Variants in BACH2 observed in about 807,000 individuals in gnomAD.
The protein encoded by BACH2 is BACH transcriptional regulator 2.
BACH2 carries 5 observed loss-of-function variants against 61.8 expected under a neutral mutation model. The ratio of observed to expected loss-of-function variants is 0.08; its 90% CI spans 0.04 to 0.17. The LOEUF is 0.17. Among genes scored for constraint, BACH2 ranks in the 10% least tolerant of loss-of-function variants. The pLI, the probability that BACH2 is intolerant of heterozygous loss-of-function variation, is 1.00. For synonymous variants in BACH2, 446 were observed against 440.1 expected, an observed-to-expected ratio of 1.01 and a Z score of -0.17; for missense variants, 824 against 1,091.1, an observed-to-expected ratio of 0.76 and a Z score of 3.45.
rs191145736 is a variant in BACH2, at chr6:90,296,802, T to C, written c.-768A>G. On this transcript the variant is annotated 5_prime_UTR_variant, in exon 1 of 9. Transcript: ENST00000257749. ...GCACGGCCGCTGCTGCCGCTGCTGC[T>C]GCTGCTGCTGCTGCTGAGGCGGCGG... is the stretch of plus-strand genomic sequence containing the variant. 2,652 of 175,298 alleles carry C rather than the reference T, an allele frequency of 0.015. 25 individuals carry two copies. Among genetic ancestry groups the C allele is most frequent in the African/African-American group, 0.018 (736 of 41,500 alleles). 10.9% of individuals were successfully genotyped at this position (175,298 alleles called of 1,614,324 possible).
At chr6:90,071,928 G>C (rs566175387) in intron 5 of BACH2, among the ~76,000 whole-genome samples, 1 of 151,992 alleles carries the variant, frequency 6.6e-6, no homozygotes, top group South Asian at 2.1e-4. Context: ...TCATCCTCAC[G>C]GTATTCACAT....
chr6:90,002,535 C>T (rs904727085), intron 6 of BACH2, among the ~76,000 whole-genome samples: 2 of 152,108 alleles, frequency 1.3e-5, no homozygotes, highest in Non-Finnish European at 1.5e-5. Context: ...TTTGGGAGGC[C>T]GAAGCAAGTG....
chr6:89,930,096 T>TTATCAAGA lies in BACH2; in HGVS notation c.*2304_*2311dup, dbSNP rs1386382235. ...AAACCAGCAGCTCCAACACAGAGCTTTATCAAGATCTGTTTCAGACACACA... is the reference window on the plus strand; with the variant it reads ...AAACCAGCAGCTCCAACACAGAGCTTTATCAAGATATCAAGATCTGTTTCAGACACACA... On this transcript the variant is annotated 3_prime_UTR_variant, in exon 9 of 9. Coordinates refer to ENST00000257749, the MANE Select transcript of BACH2 (RefSeq NM_021813.4). 1 of 127,618 alleles carries TTATCAAGA rather than the reference T, an allele frequency of 7.8e-6. No individual in the cohort carries two copies. Among genetic ancestry groups the TTATCAAGA allele is most frequent in the Non-Finnish European group, 1.6e-5 (1 of 62,944 alleles). The allele number at this position is 127,618 out of a possible 1,614,324, so 7.9% of individuals were successfully genotyped here. A position where few individuals can be genotyped will look rare whatever the true frequency, so the allele number is the denominator to read the frequency against.
At chr6:89,949,866 TCTTC>T (rs1773968249) in intron 7 of BACH2, among the ~76,000 whole-genome samples, 1 of 151,968 alleles carries the variant, frequency 6.6e-6, no homozygotes, top group Non-Finnish European at 1.5e-5. Flanking sequence ...AGATTCTATA[TCTTC>T]CTTTACGCTG....
chr6:90,138,371 C>T (rs924482138), intron 4 of BACH2, among the ~76,000 whole-genome samples: 22 of 152,118 alleles, frequency 1.4e-4, no homozygotes, highest in Non-Finnish European at 2.6e-4. Context: ...TGCGTGGTGG[C>T]GTGTGCCTGT....
At chr6:90,169,670 G>C (rs527756055) in intron 4 of BACH2, among the ~76,000 whole-genome samples, 3 of 152,344 alleles carry the variant, frequency 2.0e-5, no homozygotes, top group Admixed American at 2.0e-4. Flanking sequence ...TTTTAAAACA[G>C]TGCCTGCTGC....
intron 3 of BACH2, among the ~76,000 whole-genome samples, chr6:90,227,806 A>T (rs938449908): frequency 1.3e-4 from 18 of 142,594 alleles, no homozygotes; most frequent in African/African-American, 4.5e-4. Flanking sequence ...ATATCCCTTT[A>T]AAAAAAAAAA....
At chr6:90,010,478 C>CT (rs909600542) in intron 5 of BACH2, among the ~76,000 whole-genome samples, 6 of 151,692 alleles carry the variant, frequency 4.0e-5, no homozygotes, top group Admixed American at 6.6e-5. Flanking sequence ...TATAGCGTAA[C>CT]TTTTTTTTTA....
chr6:90,150,011 C>T (rs894940760), intron 4 of BACH2, among the ~76,000 whole-genome samples: 1 of 152,184 alleles, frequency 6.6e-6, no homozygotes, highest in Non-Finnish European at 1.5e-5. Context: ...GATTACTCTC[C>T]TTCAAGCCCC....
At chr6:89,985,003 G>T (rs1471765978) in intron 6 of BACH2, among the ~76,000 whole-genome samples, 1 of 152,090 alleles carries the variant, frequency 6.6e-6, no homozygotes, top group Non-Finnish European at 1.5e-5. Flanking sequence ...AATTATCCTG[G>T]CTGAGTCCTC....
At chr6:90,144,333 TGGGAAGGACAGAGGGAAGGAGGGA>T (rs1375682286) in intron 4 of BACH2, among the ~76,000 whole-genome samples, 3 of 151,550 alleles carry the variant, frequency 2.0e-5, no homozygotes, top group Admixed American at 6.6e-5. Context: ...TTTGAAGGAT[TGGGAAGGACAGAGGGAAGGAGGGA>T]GGGAAAAACA....
Position 89,950,014 on chromosome 6 carries a change from T to G in BACH2, c.1836+256A>C, listed in dbSNP as rs1773980576. ...ACTTCATGCATTAGACTTCAGTATA[T>G]TTTTACTCAGCAGCTTGCCTCTGCT... On this transcript the variant is annotated intron_variant, in intron 7 of 8. Coordinates refer to ENST00000257749, the MANE Select transcript of BACH2 (RefSeq NM_021813.4). The surrounding 1 kb of genome is among the most constrained non-coding windows in gnomAD (Gnocchi z 5.3). 1.9e-6 allele frequency: 1 copy of G among 533,320 alleles called. No homozygotes were observed. The allele number at this position is 533,320 out of a possible 1,614,324, so 33.0% of individuals were successfully genotyped here. A position where few individuals can be genotyped will look rare whatever the true frequency, so the allele number is the denominator to read the frequency against.
chr6:90,150,275 G>T (rs774791624), intron 4 of BACH2, among the ~76,000 whole-genome samples: 7 of 152,056 alleles, frequency 4.6e-5, no homozygotes, highest in Non-Finnish European at 1.0e-4. Context: ...TGGTCTCCTT[G>T]TTTCAATTAC....
At chr6:90,009,149 TTTAAA>T (rs1777571626) in intron 5 of BACH2, among the ~76,000 whole-genome samples, 1 of 152,136 alleles carries the variant, frequency 6.6e-6, no homozygotes, top group African/African-American at 2.4e-5. Flanking sequence ...ATTTAAAACA[TTTAAA>T]ACACATTGGT....
In BACH2 at chr6:89,950,435, A is replaced by G. The variant is rs768606736; in HGVS notation, c.1671T>C (p.Leu557=). 1 of 1,614,172 alleles carries G rather than the reference A, an allele frequency of 6.2e-7. No homozygotes were observed. The change falls in exon 7 of 9, where the codon CTT becomes CTC. Residue 557 remains leucine, a synonymous_variant. Coordinates refer to ENST00000257749, the MANE Select transcript of BACH2 (RefSeq NM_021813.4). The surrounding 1 kb of genome is among the most constrained non-coding windows in gnomAD (Gnocchi z 5.3). ...SSPCSQGARF[L]ATEHQEPGLM... is the part of the protein sequence containing the mutation. ...GGCCTGGTTCCTGATGTTCTGTGGC[A>G]AGGAATCTGGCTCCCTGGGAACAGG...
chr6:89,979,149 C>T (rs1367839510), intron 6 of BACH2, among the ~76,000 whole-genome samples: 2 of 152,104 alleles, frequency 1.3e-5, no homozygotes, highest in African/African-American at 2.4e-5. Flanking sequence ...ATGAAAAAAA[C>T]GCATCAGAAT....
At chr6:90,249,590 G>A (rs975373146) in intron 3 of BACH2, among the ~76,000 whole-genome samples, 2 of 152,088 alleles carry the variant, frequency 1.3e-5, no homozygotes, top group Admixed American at 6.5e-5. Flanking sequence ...GAGCAACATG[G>A]TGAGACTCCC....
chr6:90,160,487 T>A (rs1301818143), intron 4 of BACH2, among the ~76,000 whole-genome samples: 1 of 152,224 alleles, frequency 6.6e-6, no homozygotes, highest in Non-Finnish European at 1.5e-5. Context: ...GTGAATTCTT[T>A]TAAAATGAGG....
chr6:90,244,002 A>T (rs1162803674), intron 3 of BACH2, among the ~76,000 whole-genome samples: 1 of 152,042 alleles, frequency 6.6e-6, no homozygotes, highest in Non-Finnish European at 1.5e-5. Context: ...GCTCACTGCA[A>T]CCTCCATCTC....
Sources: allele counts gnomAD v4.1 joint callset (sites outside exome capture counted in the v4.1 genomes callset), GRCh38; gene constraint gnomAD v4.1.1; non-coding constraint Gnocchi (gnomAD v3.1); transcripts MANE v1.5; gene names NCBI Gene and HGNC (gene_info 2026-07-23, HGNC 2026-07-21).